Variants in OR9Q1 observed in about 807,000 individuals in gnomAD.
The protein encoded by OR9Q1 is olfactory receptor 9Q1.
For synonymous variants in OR9Q1, 153 were observed against 148.6 expected, an observed-to-expected ratio of 1.03 and a Z score of -0.22; for missense variants, 374 against 378.8, an observed-to-expected ratio of 0.99 and a Z score of 0.11.
intron 1 of OR9Q1, among the ~76,000 whole-genome samples, chr11:58,048,060 T>C (rs1454553755): frequency 5.3e-5 from 8 of 152,154 alleles, no homozygotes. Context: ...GACAAGATAA[T>C]GGGGATCTGA....
chr11:58,090,098 A>G (rs532118491), intron 2 of OR9Q1, among the ~76,000 whole-genome samples: 1 of 152,302 alleles, frequency 6.6e-6, no homozygotes, highest in African/African-American at 2.4e-5. Flanking sequence ...GCAAACAGAG[A>G]CAATTCAACT....
Position 58,166,132 on chromosome 11 carries a change from C to A in OR9Q1, c.-14-13299C>A, listed in dbSNP as rs370370104. 4.6e-5 allele frequency among the ~76,000 whole-genome samples: 7 copies of A among 152,140 alleles called. No homozygotes were observed. In the East Asian group the frequency reaches 1.3e-3, roughly 29 times the overall value. On this transcript the variant is annotated intron_variant, in intron 2 of 2. Coordinates refer to ENST00000335397, the MANE Select transcript of OR9Q1 (RefSeq NM_001005212.4). ...CTGGTTAAATACATTGAGTGCACAG[C>A]CTAGGATTCTCACATATTTTTGTTA...
intron 2 of OR9Q1, among the ~76,000 whole-genome samples, chr11:58,104,358 T>G (rs1348198695): frequency 6.6e-6 from 1 of 151,872 alleles, no homozygotes; most frequent in Admixed American, 6.6e-5. Context: ...AGTTTTTTTT[T>G]TTTTTAATGT....
chr11:58,133,061 C>T (rs1038236628), intron 2 of OR9Q1, among the ~76,000 whole-genome samples: 4 of 152,162 alleles, frequency 2.6e-5, no homozygotes, highest in Non-Finnish European at 4.4e-5. Context: ...TACCTGCGCT[C>T]AGCCCAGCCT....
chr11:58,062,203 G>T (rs1247979999), intron 2 of OR9Q1, among the ~76,000 whole-genome samples: 3 of 152,192 alleles, frequency 2.0e-5, no homozygotes, highest in Non-Finnish European at 4.4e-5. Context: ...TTCTCAGAAG[G>T]ATTATCCATA....
intron 2 of OR9Q1, among the ~76,000 whole-genome samples, chr11:58,099,169 A>G (rs1413607116): frequency 1.3e-5 from 2 of 151,460 alleles, no homozygotes; most frequent in Admixed American, 6.6e-5. Flanking sequence ...AGCATTTCCT[A>G]TATATCAAAT....
intron 2 of OR9Q1, 85 bp from the exon 3 acceptor site, chr11:58,179,346 G>A: frequency 1.1e-6 from 1 of 873,164 alleles, no homozygotes; most frequent in Non-Finnish European, 1.8e-6. Context: ...TTTGTCCACA[G>A]TACATTTTCA....
chr11:58,108,774 A>G (rs888408381), intron 2 of OR9Q1: 1 of 209,006 alleles, frequency 4.8e-6, no homozygotes, highest in Non-Finnish European at 9.7e-6. Context: ...CAGCTTTTAC[A>G]TCTTTGTTCC....
At chr11:58,164,233 TCCTGTCTTTA>T (rs1565094640) in intron 2 of OR9Q1, among the ~76,000 whole-genome samples, 1 of 152,080 alleles carries the variant, frequency 6.6e-6, no homozygotes, top group East Asian at 1.9e-4. Context: ...CCTTCCACGT[TCCTGTCTTTA>T]GGTGGCCAAA....
chr11:58,098,180 C>G (rs1010779709), intron 2 of OR9Q1, among the ~76,000 whole-genome samples: 6 of 152,136 alleles, frequency 3.9e-5, no homozygotes, highest in Admixed American at 3.9e-4. Context: ...TGAGAGAAAT[C>G]ATCTGCACCC....
chr11:58,146,889 T>C (rs1412295207), intron 2 of OR9Q1, among the ~76,000 whole-genome samples: 1 of 152,222 alleles, frequency 6.6e-6, no homozygotes, highest in African/African-American at 2.4e-5. Context: ...GCGAATTCCA[T>C]AGAAACTGTC....
chr11:58,109,191 A>T, intron 2 of OR9Q1: 1 of 479,988 alleles, frequency 2.1e-6, no homozygotes, highest in Non-Finnish European at 4.2e-6. Context: ...TGGTATGCAG[A>T]ATGGCCCCTG....
chr11:58,033,148 C>G (rs1019480504), intron 1 of OR9Q1, among the ~76,000 whole-genome samples: 1 of 152,204 alleles, frequency 6.6e-6, no homozygotes. Context: ...TGCTTATGCA[C>G]TGTTGGTGAG....
intron 1 of OR9Q1, among the ~76,000 whole-genome samples, chr11:58,053,518 C>T (rs1201093917): frequency 2.1e-5 from 3 of 144,166 alleles, no homozygotes; most frequent in Non-Finnish European, 3.0e-5. Flanking sequence ...TTAATGGGTG[C>T]AGCACACCAG....
chr11:58,179,896 C>G lies in OR9Q1; in HGVS notation c.452C>G (p.Ala151Gly). ...RLSLVAGAYV[A>G]GLISALVRTV... is the part of the protein sequence containing the mutation. ...AGTCTTGTGGCTGGGGCTTACGTTGCTGGTCTCATCAGTGCCTTGGTGCGG... is the reference window on the plus strand; with the variant it reads ...AGTCTTGTGGCTGGGGCTTACGTTGGTGGTCTCATCAGTGCCTTGGTGCGG... The change falls in exon 3 of 3, where the codon GCT becomes GGT. Residue 151 changes from alanine to glycine, a missense_variant. Transcript: ENST00000335397. 2 of 1,614,186 alleles carry G rather than the reference C, an allele frequency of 1.2e-6. No homozygotes were observed. Among genetic ancestry groups the G allele is most frequent in the Non-Finnish European group, 1.7e-6 (2 of 1,180,028 alleles).
At chr11:58,074,027 C>T (rs964668786) in intron 2 of OR9Q1, among the ~76,000 whole-genome samples, 2 of 152,236 alleles carry the variant, frequency 1.3e-5, no homozygotes, top group Admixed American at 6.5e-5. Flanking sequence ...GTATATGTGC[C>T]ACATTTTCTT....
intron 2 of OR9Q1, among the ~76,000 whole-genome samples, chr11:58,141,721 T>C (rs1207240103): frequency 6.6e-6 from 1 of 152,178 alleles, no homozygotes; most frequent in Non-Finnish European, 1.5e-5. Flanking sequence ...GTCAAGTAAC[T>C]TGTACAAGGT....
intron 1 of OR9Q1, chr11:58,031,959 G>T: frequency 9.6e-7 from 1 of 1,041,520 alleles, no homozygotes. Flanking sequence ...AAACAGGTTA[G>T]TCAATAACAT....
rs1268337065 is a variant in OR9Q1 at position 58,180,089 on chromosome 11, G to A, written c.645G>A (p.Leu215=). 1.9e-6 allele frequency: 3 copies of A among 1,614,158 alleles called. No homozygotes were observed. The highest frequency in any genetic ancestry group is 2.5e-6 in the Non-Finnish European group (3 of 1,180,040). ...TCCCTGCTTCCATGGTGGTGATCTT[G>A]GTGTCCTACCTGTTTATCATCGTGG... ...FVIPASMVVI[L]VSYLFIIVAI... is the part of the protein sequence containing the mutation. The change falls in exon 3 of 3, where the codon TTG becomes TTA. Residue 215 remains leucine (L), a synonymous_variant. Transcript: ENST00000335397.
Sources: allele counts gnomAD v4.1 joint callset (sites outside exome capture counted in the v4.1 genomes callset), GRCh38; gene constraint gnomAD v4.1.1; transcripts MANE v1.5; gene names NCBI Gene and HGNC (gene_info 2026-07-23, HGNC 2026-07-21).